The following SPIDR variants were observed in gnomAD, a reference collection of about 807,000 sequenced individuals.
SPIDR encodes the protein DNA repair-scaffolding protein.
SPIDR carries 93 observed loss-of-function variants against 104.6 expected under a neutral mutation model. The ratio of observed to expected loss-of-function variants is 0.89; its 90% confidence interval spans 0.75 to 1.06. SPIDR has a LOEUF of 1.06. Among genes scored for constraint, SPIDR ranks in the 50% least tolerant of loss-of-function variants. The pLI, the probability that SPIDR is intolerant of heterozygous loss-of-function variation, is 0.00. For missense variants in SPIDR, 1,154 were observed against 1,111.2 expected (o/e 1.04, Z -0.55); for synonymous variants, 431 against 416.9 (o/e 1.03, Z -0.41).
At chr8:47,448,513 A>G (rs1240238155) in intron 8 of SPIDR, among the ~76,000 whole-genome samples, 6 of 152,212 alleles carry the variant, frequency 3.9e-5, no homozygotes, top group Non-Finnish European at 7.3e-5. Flanking sequence ...GTGTGGTGGA[A>G]GAGAAAAGTA....
chr8:47,564,923 T>A (rs1036960600), intron 8 of SPIDR, among the ~76,000 whole-genome samples: 2 of 152,132 alleles, frequency 1.3e-5, no homozygotes, highest in African/African-American at 4.8e-5. Flanking sequence ...AGATTTATTT[T>A]ATTTTAGGCT....
At chr8:47,683,516 C>T (rs2077352707) in intron 11 of SPIDR, among the ~76,000 whole-genome samples, 1 of 152,202 alleles carries the variant, frequency 6.6e-6, no homozygotes, top group Admixed American at 6.5e-5. Flanking sequence ...TACCCATAAA[C>T]TTATTTTCCC....
intron 2 of SPIDR, among the ~76,000 whole-genome samples, chr8:47,282,397 T>G (rs1338438764): frequency 6.6e-6 from 1 of 152,258 alleles, no homozygotes; most frequent in Non-Finnish European, 1.5e-5. Context: ...TGAAAGTCTG[T>G]TTTTTAGCGT....
intron 5 of SPIDR, among the ~76,000 whole-genome samples, chr8:47,373,002 G>A (rs2058220696): frequency 6.6e-6 from 1 of 152,132 alleles, no homozygotes; most frequent in African/African-American, 2.4e-5. Flanking sequence ...AGATGATAAG[G>A]CTAGGATTAG....
chr8:47,350,001 A>G (rs2053136913), intron 5 of SPIDR, among the ~76,000 whole-genome samples: 1 of 152,136 alleles, frequency 6.6e-6, no homozygotes, highest in Non-Finnish European at 1.5e-5. Context: ...TCCCAGTGAG[A>G]TGAACCCGGT....
At chr8:47,565,989 TATA>T (rs1449513778) in intron 8 of SPIDR, among the ~76,000 whole-genome samples, 44 of 54,630 alleles carry the variant, frequency 8.1e-4, no homozygotes, top group African/African-American at 1.5e-3. Flanking sequence ...TATATATATA[TATA>T]TTTTTTTTTT....
chr8:47,592,376 G>C, intron 8 of SPIDR: 1 of 1,292,044 alleles, frequency 7.7e-7, no homozygotes, highest in Non-Finnish European at 1.1e-6. Context: ...ACATTAGGAT[G>C]ATAAATTTTG....
rs562659799 is a variant in SPIDR at position 47,406,555 on chromosome 8, G to A, written c.777-1306G>A. On this transcript the variant is annotated intron_variant, in intron 6 of 19. Coordinates refer to ENST00000297423, the MANE Select transcript of SPIDR (RefSeq NM_001080394.4). ...TTTTTTTCTGTTACATGTACTACAC[G>A]CAAGTATATTCAGAAATAGTAACCT... Among the ~76,000 whole-genome samples, 29 of 152,194 alleles carry A rather than the reference G, an allele frequency of 1.9e-4. 1 individual carries two copies. In the South Asian group the frequency reaches 5.2e-3, roughly 27 times the overall value.
intron 8 of SPIDR, among the ~76,000 whole-genome samples, chr8:47,456,024 C>T (rs530794847): frequency 6.6e-6 from 1 of 152,242 alleles, no homozygotes; most frequent in African/African-American, 2.4e-5. Context: ...TAAAACATTC[C>T]ATTCAAAAAT....
At chr8:47,673,390 A>C in intron 10 of SPIDR, 1 of 457,218 alleles carries the variant, frequency 2.2e-6, no homozygotes. Context: ...TCGAGCATCC[A>C]CACAAAGCAA....
At chr8:47,690,541 G>A (rs764928605) in intron 11 of SPIDR, among the ~76,000 whole-genome samples, 3 of 151,860 alleles carry the variant, frequency 2.0e-5, no homozygotes, top group Non-Finnish European at 4.4e-5. Flanking sequence ...CTAGCAGGCT[G>A]GGCACGGTGG....
At chr8:47,426,460 A>G (rs1211075028) in intron 7 of SPIDR, among the ~76,000 whole-genome samples, 26 of 152,098 alleles carry the variant, frequency 1.7e-4, no homozygotes, top group Admixed American at 1.6e-3. Context: ...TTATTAAGCA[A>G]CAAGTAGATT....
At chr8:47,661,420 G>A (rs983212094) in intron 10 of SPIDR, among the ~76,000 whole-genome samples, 1 of 152,258 alleles carries the variant, frequency 6.6e-6, no homozygotes, top group Non-Finnish European at 1.5e-5. Context: ...CGCTAGCAGC[G>A]GAGAGTGTGG....
chr8:47,365,767 G>T (rs1004645871), intron 5 of SPIDR, among the ~76,000 whole-genome samples: 9 of 152,066 alleles, frequency 5.9e-5, no homozygotes, highest in African/African-American at 2.2e-4. Flanking sequence ...AGGCAAGGGT[G>T]GATGACCTAT....
intron 8 of SPIDR, among the ~76,000 whole-genome samples, chr8:47,531,495 G>A (rs2085989772): frequency 6.6e-6 from 1 of 152,188 alleles, no homozygotes. Context: ...TTGCTTATAA[G>A]CAGAGAATAC....
intron 5 of SPIDR, among the ~76,000 whole-genome samples, chr8:47,303,543 G>T (rs2042606523): frequency 6.6e-6 from 1 of 152,158 alleles, no homozygotes; most frequent in Non-Finnish European, 1.5e-5. Context: ...CACTCACGCT[G>T]GGAGCTGTAG....
At chr8:47,457,441 T>G (rs1231698779) in intron 8 of SPIDR, among the ~76,000 whole-genome samples, 3 of 152,102 alleles carry the variant, frequency 2.0e-5, no homozygotes, top group African/African-American at 7.2e-5. Flanking sequence ...CTTAACCCCC[T>G]TTTTGTTTGG....
At chr8:47,635,545 A>G (rs1197495822) in intron 10 of SPIDR, among the ~76,000 whole-genome samples, 2 of 152,172 alleles carry the variant, frequency 1.3e-5, no homozygotes, top group African/African-American at 2.4e-5. Context: ...TGGAAGAACT[A>G]TAACCAAGCA....
intron 8 of SPIDR, among the ~76,000 whole-genome samples, chr8:47,502,254 G>A (rs1302082291): frequency 6.6e-6 from 1 of 152,182 alleles, no homozygotes; most frequent in Non-Finnish European, 1.5e-5. Context: ...GAATTCGGCT[G>A]TGAATCCATC....
Sources: gnomAD v4.1 joint callset for allele counts (sites outside exome capture counted in the v4.1 genomes callset) on GRCh38, gnomAD v4.1.1 for gene constraint, MANE v1.5 for transcripts, NCBI Gene and HGNC (gene_info 2026-07-23, HGNC 2026-07-21) for gene names.